AK9: variants seen among roughly 807,000 people sequenced by gnomAD.
AK9 encodes the protein adenylate kinase 9.
Under a neutral mutation model 239.6 loss-of-function variants are expected in AK9, and 191 were observed. The ratio of observed to expected loss-of-function variants is 0.80; its 90% CI spans 0.71 to 0.90. The LOEUF is 0.90. AK9 is among the 40% of genes least tolerant of loss of function. The pLI, the probability that AK9 is intolerant of heterozygous loss-of-function variation, is 0.00. For missense variants in AK9, 1,995 were observed against 2,214.7 expected (o/e 0.90, Z 1.99); for synonymous variants, 689 against 721.0 (o/e 0.96, Z 0.71).
intron 10 of AK9, among the ~76,000 whole-genome samples, chr6:109,633,543 T>C (rs1796367382): frequency 6.6e-6 from 1 of 152,210 alleles, no homozygotes; most frequent in Non-Finnish European, 1.5e-5. Context: ...ACAGGACCCT[T>C]GTTTTACAAA....
intron 3 of AK9, among the ~76,000 whole-genome samples, chr6:109,672,459 G>A (rs1360397206): frequency 2.0e-5 from 3 of 152,130 alleles, no homozygotes; most frequent in Non-Finnish European, 2.9e-5. Context: ...AAGGCAGGAG[G>A]ATTGCTTGAG....
At chr6:109,662,807 C>T (rs1800607353) in intron 5 of AK9, 144 bp from the exon 6 acceptor site, 1 of 280,780 alleles carries the variant, frequency 3.6e-6, no homozygotes, top group South Asian at 1.5e-4. Flanking sequence ...TTTAAATTAA[C>T]ACTTAAAGTT....
Position 109,515,944 on chromosome 6 carries a change from A to T in AK9, c.3978T>A (p.Cys1326Ter). The stretch of plus-strand genomic sequence containing the variant: ...GGGCAAGGGGTGCTGGTATTGGATG[A>T]CATTTCTCAAAAATGCTTGCACGAT... ...VENRASIFEK[C>*]HPIPAPLAQK... The change falls in exon 31 of 41, where the codon TGT becomes TGA. Residue 1326 changes from cysteine (C) to a stop codon, truncating the protein, a stop_gained. Coordinates refer to ENST00000424296, the MANE Select transcript of AK9 (RefSeq NM_001145128.3). LOFTEE classifies it high-confidence loss of function. 6.4e-7 allele frequency: 1 copy of T among 1,551,718 alleles called. No homozygotes were observed. The highest frequency in any genetic ancestry group is 1.2e-5 in the South Asian group (1 of 84,058).
At chr6:109,686,269 G>A (rs1205868303) in intron 1 of AK9, among the ~76,000 whole-genome samples, 6 of 152,226 alleles carry the variant, frequency 3.9e-5, no homozygotes, top group Admixed American at 1.3e-4. Context: ...TAAGTATAAA[G>A]TGAGAGATAA....
chr6:109,585,188 G>T lies in AK9; in HGVS notation c.2049C>A (p.Asp683Glu). 1 of 1,032,138 alleles carries T rather than the reference G, an allele frequency of 9.7e-7. No individual in the cohort carries two copies. Among genetic ancestry groups the T allele is most frequent in the Non-Finnish European group, 1.3e-6 (1 of 789,204 alleles). The allele number at this position is 1,032,138 out of a possible 1,614,324, so 63.9% of individuals were successfully genotyped here. The change falls in exon 19 of 41, where the codon GAC becomes GAA. Residue 683 changes from aspartate (D) to glutamate (E), a missense_variant. By Grantham distance (45) the Asp-to-Glu change is conservative. Coordinates refer to ENST00000424296, the MANE Select transcript of AK9 (RefSeq NM_001145128.3). ...RIYLQKKSEIDSKILERLLEE... is the reference protein window; with the variant it reads ...RIYLQKKSEIESKILERLLEE... ...CTAATAATCTTTCTAAAATCTTAGA[G>T]TCAATTTCAGATTTCTTCTGTAAAT...
intron 8 of AK9, among the ~76,000 whole-genome samples, chr6:109,653,848 T>G (rs1799323758): frequency 6.6e-6 from 1 of 152,270 alleles, no homozygotes; most frequent in Admixed American, 6.5e-5. Flanking sequence ...TTAGATTTTC[T>G]TTATCTCAAG....
intron 6 of AK9, among the ~76,000 whole-genome samples, chr6:109,660,799 G>A (rs1261430282): frequency 6.6e-6 from 1 of 152,150 alleles, no homozygotes; most frequent in Non-Finnish European, 1.5e-5. Context: ...GGCTCCACCT[G>A]ACAGATTCTG....
intron 35 of AK9, among the ~76,000 whole-genome samples, chr6:109,502,606 C>T (rs116814331): frequency 8.5e-5 from 13 of 152,286 alleles, no homozygotes; most frequent in South Asian, 2.1e-4. Context: ...ATCCAGTTTG[C>T]GGCAGTTTGT....
At chr6:109,603,869 G>C (rs1792454551) in intron 17 of AK9, among the ~76,000 whole-genome samples, 1 of 152,208 alleles carries the variant, frequency 6.6e-6, no homozygotes, top group East Asian at 1.9e-4. Context: ...GACCCTCCGA[G>C]CCAGGCGCAG....
At chr6:109,602,960 G>A (rs1321801223) in intron 17 of AK9, among the ~76,000 whole-genome samples, 3 of 152,134 alleles carry the variant, frequency 2.0e-5, no homozygotes, top group Non-Finnish European at 4.4e-5. Context: ...GGTTATTCTA[G>A]TTAGCCATTC....
chr6:109,567,999 C>T (rs1376810320), intron 21 of AK9, among the ~76,000 whole-genome samples: 1 of 152,072 alleles, frequency 6.6e-6, no homozygotes, highest in Admixed American at 6.6e-5. Flanking sequence ...AGACCAATGT[C>T]CCTGATGAAC....
At chr6:109,573,019 A>G (rs1179715027) in intron 21 of AK9, among the ~76,000 whole-genome samples, 1 of 152,196 alleles carries the variant, frequency 6.6e-6, no homozygotes, top group Non-Finnish European at 1.5e-5. Flanking sequence ...GCACACCATA[A>G]AGATGAACTG....
intron 12 of AK9, among the ~76,000 whole-genome samples, chr6:109,620,860 C>A (rs1006804772): frequency 6.6e-6 from 1 of 150,980 alleles, no homozygotes; most frequent in Non-Finnish European, 1.5e-5. Context: ...CATATATATA[C>A]ATATACAAAC....
intron 8 of AK9, among the ~76,000 whole-genome samples, chr6:109,652,849 C>T (rs1396944006): frequency 6.6e-6 from 1 of 152,082 alleles, no homozygotes; most frequent in Admixed American, 6.5e-5. Context: ...TATATGCACA[C>T]ATATAAATGT....
chr6:109,685,464 CAA>C (rs1257484708), intron 1 of AK9, among the ~76,000 whole-genome samples: 1 of 151,664 alleles, frequency 6.6e-6, no homozygotes, highest in Admixed American at 6.6e-5. Context: ...TCATTCTCAG[CAA>C]ACTATCACAA....
chr6:109,585,955 G>A lies in AK9; in HGVS notation c.1960C>T (p.Pro654Ser). 1 of 1,550,600 alleles carries A rather than the reference G, an allele frequency of 6.4e-7. No homozygotes were observed. Among genetic ancestry groups the A allele is most frequent in the South Asian group, 1.2e-5 (1 of 83,898 alleles). ...TCTGATAAATAGATGACCAAATCAG[G>A]TATAATTCCTTTCTTGATTAAGGCC... ...WMALIKKGII[P>S]DLVIYLSDTE... Residue 654 changes from proline to serine, a missense_variant, in exon 18 of 41, where the codon CCT becomes TCT. By Grantham distance (74) the Pro-to-Ser change is moderately conservative (BLOSUM62 -1). Coordinates refer to ENST00000424296, the MANE Select transcript of AK9 (RefSeq NM_001145128.3).
intron 32 of AK9, 145 bp from the exon 33 acceptor site, chr6:109,509,525 C>T: frequency 1.3e-6 from 1 of 742,774 alleles, no homozygotes. Flanking sequence ...ATAGTGATGG[C>T]AGTGGCTGCT....
chr6:109,558,899 T>G (rs1785344513), intron 24 of AK9, among the ~76,000 whole-genome samples: 1 of 151,476 alleles, frequency 6.6e-6, no homozygotes, highest in African/African-American at 2.4e-5. Flanking sequence ...AGTCTTGCTC[T>G]GTCGCCTAGG....
intron 19 of AK9, among the ~76,000 whole-genome samples, chr6:109,584,112 C>G (rs1789187263): frequency 6.6e-6 from 1 of 152,098 alleles, no homozygotes; most frequent in Non-Finnish European, 1.5e-5. Flanking sequence ...ACTAATTTAA[C>G]TAAATCTTAC....
Sources: gnomAD v4.1 joint callset for allele counts (sites outside exome capture counted in the v4.1 genomes callset) on GRCh38, gnomAD v4.1.1 for gene constraint, MANE v1.5 for transcripts, NCBI Gene and HGNC (gene_info 2026-07-23, HGNC 2026-07-21) for gene names.